Variants in PDHA1 observed in about 807,000 individuals in gnomAD.
The protein encoded by PDHA1 is pyruvate dehydrogenase E1 component subunit alpha, somatic form, mitochondrial.
Under a neutral mutation model 33.0 loss-of-function variants are expected in PDHA1, and 1 was observed. That is an observed-to-expected ratio of 0.03 (90% CI 0.01 to 0.14). PDHA1 has a LOEUF of 0.14. PDHA1 is among the 10% of genes least tolerant of loss of function. PDHA1 has a pLI of 1.00. For synonymous variants in PDHA1, 123 were observed against 119.2 expected (o/e 1.03, Z -0.21); for missense variants, 168 against 325.1 (o/e 0.52, Z 3.72).
At position 19,351,395 on chromosome X, in the gene PDHA1, G is replaced by A. The variant is rs138727886; in HGVS notation, c.406G>A (p.Ala136Thr). Reference sequence around the variant, plus strand: ...GGGCCTTTCCGTCCGAGAAATTCTCGCAGAGCTTACAGGTTTGCTGTTGAT... The same window carrying A: ...GGGCCTTTCCGTCCGAGAAATTCTCACAGAGCTTACAGGTTTGCTGTTGAT... ...TRGLSVREIL[A>T]ELTGRKGGCA... Residue 136 changes from alanine (A) to threonine (T), a missense_variant, in exon 4 of 11, where the codon GCA (alanine) becomes ACA (threonine). By Grantham distance (58) the Ala-to-Thr change is moderately conservative (BLOSUM62 0). Coordinates refer to ENST00000422285, the MANE Select transcript of PDHA1 (RefSeq NM_000284.4). The A allele has an allele frequency of 1.8e-4, 222 of 1,207,518 alleles. No individual in the cohort carries two copies. Among genetic ancestry groups the A allele is most frequent in the Non-Finnish European group, 2.4e-4 (216 of 893,092 alleles).
At position 19,359,794 on chromosome X, in the gene PDHA1, T is replaced by A; in HGVS notation, c.*141T>A. ...TTAAGTGTGTAGATTGAGCAGGTAGTAATTGCATGCAGTTTGTACATTAGT... is the reference window on the plus strand; with the variant it reads ...TTAAGTGTGTAGATTGAGCAGGTAGAAATTGCATGCAGTTTGTACATTAGT... On this transcript the variant is annotated 3_prime_UTR_variant, in exon 11 of 11. Transcript: ENST00000422285. The A allele has an allele frequency of 3.7e-6, 2 of 543,096 alleles. No individual in the cohort carries two copies. The highest frequency in any genetic ancestry group is 3.2e-6 in the Non-Finnish European group (1 of 316,342). 44.8% of individuals were successfully genotyped at this position (543,096 alleles called of 1,213,427 possible).
intron 8 of PDHA1, among the ~76,000 whole-genome samples, chrX:19,356,006 C>T (rs1419723604): frequency 1.8e-5 from 2 of 112,093 alleles, no homozygotes; most frequent in Non-Finnish European, 3.8e-5. Context: ...GTCTTCATGA[C>T]AACTGATTTG....
chrX:19,351,599 C>G, intron 4 of PDHA1, 192 bp downstream of exon 4: 1 of 419,313 alleles, frequency 2.4e-6, no homozygotes, highest in African/African-American at 2.5e-5. Context: ...TCTGGCCCCT[C>G]AGGTAAAAGT....
rs1326132392 is a variant in PDHA1, at chrX:19,352,462, T to C, written c.419-620T>C. On this transcript the variant is annotated intron_variant, in intron 4 of 10. Transcript: ENST00000422285. ...TGTTGGCCAGGCTGGTCTTGAACTC[T>C]TGACCTCAGGTGATCCACCCTCTTC... Among the ~76,000 whole-genome samples, 3 of 108,193 alleles carry C rather than the reference T, an allele frequency of 2.8e-5. No individual in the cohort carries two copies. The Admixed American group carries it at 2.9e-4, about 11-fold the overall frequency. 94.0% of individuals were successfully genotyped at this position (108,193 alleles called of 115,157 possible).
intron 3 of PDHA1, among the ~76,000 whole-genome samples, chrX:19,350,479 T>G (rs146599261): frequency 2.6e-4 from 29 of 112,129 alleles, no homozygotes; most frequent in African/African-American, 7.8e-4. Context: ...TTGCCCAGGC[T>G]AGTCTCAAAC....
chrX:19,344,187 G>A (rs2063115460), intron 1 of PDHA1, 93 bp downstream of exon 1: 3 of 774,399 alleles, frequency 3.9e-6, no homozygotes, highest in Admixed American at 5.8e-5. Flanking sequence ...CCCAGAGCGG[G>A]GTGGAAGGCG....
In PDHA1 at chrX:19,361,273, G is replaced by A; in HGVS notation, c.*1620G>A. 5 of 922,604 alleles carry A rather than the reference G, an allele frequency of 5.4e-6. No homozygotes were observed. The highest frequency in any genetic ancestry group is 7.6e-6 in the Non-Finnish European group (5 of 655,935). 76.0% of individuals were successfully genotyped at this position (922,604 alleles called of 1,213,427 possible). ...GGGGAGGCCCAGCCCTTTGTTTTCT[G>A]CTCTTGAAGCATATTCACACATAAA... On this transcript the variant is annotated 3_prime_UTR_variant, in exon 11 of 11. Coordinates refer to ENST00000422285, the MANE Select transcript of PDHA1 (RefSeq NM_000284.4).
At chrX:19,352,893 G>T in intron 4 of PDHA1, 189 bp from the exon 5 acceptor site, 1 of 491,815 alleles carries the variant, frequency 2.0e-6, no homozygotes, top group Non-Finnish European at 3.7e-6. Flanking sequence ...AGCTGGAAAG[G>T]TTGAAGCACA....
At chrX:19,344,738 T>C (rs995955235) in intron 1 of PDHA1, among the ~76,000 whole-genome samples, 15 of 112,965 alleles carry the variant, frequency 1.3e-4, no homozygotes, top group African/African-American at 4.8e-4. Flanking sequence ...GAGTGACACG[T>C]GTGGAAACGA....
chrX:19,355,713 C>A lies in PDHA1; in HGVS notation c.787C>A (p.Arg263=). The A allele has an allele frequency of 1.7e-6, 2 of 1,208,657 alleles. No individual in the cohort carries two copies. Among genetic ancestry groups the A allele is most frequent in the South Asian group, 3.5e-5 (2 of 56,929 alleles). The change falls in exon 8 of 11, where the codon CGA becomes AGA. Residue 263 remains arginine, a synonymous_variant. Coordinates refer to ENST00000422285, the MANE Select transcript of PDHA1 (RefSeq NM_000284.4). The part of the protein sequence containing the change: ...RVDGMDILCV[R]EATRFAAAYC... ...GGATGGAATGGATATCCTGTGCGTCCGAGAGGCAACAAGGTTTGCTGCTGC... is the reference window on the plus strand; with the variant it reads ...GGATGGAATGGATATCCTGTGCGTCAGAGAGGCAACAAGGTTTGCTGCTGC...
At position 19,349,927 on chromosome X, in the gene PDHA1, T is replaced by C. The variant is rs1322626106; in HGVS notation, c.118-10T>C. 1.7e-6 allele frequency: 2 copies of C among 1,198,660 alleles called. No individual in the cohort carries two copies. The highest frequency in any genetic ancestry group is 2.3e-6 in the Non-Finnish European group (2 of 884,338). On this transcript the variant is annotated splice_polypyrimidine_tract_variant and intron_variant, in intron 2 of 10. Coordinates refer to ENST00000422285, the MANE Select transcript of PDHA1 (RefSeq NM_000284.4). Reference sequence around the variant, plus strand: ...ATGTGGAGGATAATAACTACCTTATTCCATTTCAGAAATGTGACCTTCACC... The same window carrying C: ...ATGTGGAGGATAATAACTACCTTATCCCATTTCAGAAATGTGACCTTCACC...
intron 1 of PDHA1, among the ~76,000 whole-genome samples, chrX:19,348,691 C>G (rs2063147529): frequency 1.8e-5 from 2 of 112,382 alleles, no homozygotes; most frequent in African/African-American, 6.5e-5. Context: ...TGCCTGCAAT[C>G]CCAGTACTTT....
chrX:19,357,594 G>T, intron 8 of PDHA1, 58 bp from the exon 9 acceptor site: 1 of 983,690 alleles, frequency 1.0e-6, no homozygotes, highest in Non-Finnish European at 1.5e-6. Flanking sequence ...GTGGATTGCC[G>T]GCCTGTTCTT....
At chrX:19,344,583 C>T (rs1262900312) in intron 1 of PDHA1, among the ~76,000 whole-genome samples, 2 of 113,251 alleles carry the variant, frequency 1.8e-5, no homozygotes, top group African/African-American at 3.2e-5. Context: ...TTAAACGTCC[C>T]GGGGACCCGG....
Position 19,359,766 on chromosome X carries a change from C to G in PDHA1, c.*113C>G, listed in dbSNP as rs182754597. ...AATTCAATGAAATTCTTGGAAACTTCCATTAAGTGTGTAGATTGAGCAGGT... is the reference window on the plus strand; with the variant it reads ...AATTCAATGAAATTCTTGGAAACTTGCATTAAGTGTGTAGATTGAGCAGGT... On this transcript the variant is annotated 3_prime_UTR_variant, in exon 11 of 11. Coordinates refer to ENST00000422285, the MANE Select transcript of PDHA1 (RefSeq NM_000284.4). 52 of 688,786 alleles carry G rather than the reference C, an allele frequency of 7.5e-5. 1 individual carries two copies. The Admixed American group carries it at 1.3e-3, about 17-fold the overall frequency. 56.8% of individuals were successfully genotyped at this position (688,786 alleles called of 1,213,427 possible). A position where few individuals can be genotyped will look rare whatever the true frequency, so the allele number is the denominator to read the frequency against.
chrX:19,355,527 C>CG (rs757568490), intron 7 of PDHA1, 23 bp downstream of exon 7: 6 of 1,190,648 alleles, frequency 5.0e-6, no homozygotes, highest in East Asian at 3.0e-5. Flanking sequence ...GTGGTGGGGC[C>CG]GGGGCCAAGG....
chrX:19,352,107 GT>G lies in PDHA1; in HGVS notation c.418+707del, dbSNP rs1188448357. 5.5e-5 allele frequency among the ~76,000 whole-genome samples: 6 copies of G among 109,211 alleles called. No individual in the cohort carries two copies. In the Admixed American group the frequency reaches 5.9e-4, roughly 11 times the overall value. 94.8% of individuals were successfully genotyped at this position (109,211 alleles called of 115,157 possible). A position where few individuals can be genotyped will look rare whatever the true frequency, so the allele number is the denominator to read the frequency against. On this transcript the variant is annotated intron_variant, in intron 4 of 10. Coordinates refer to ENST00000422285, the MANE Select transcript of PDHA1 (RefSeq NM_000284.4). ...TGAGCCACCGCACCTGGCCTGTTTTGTTTTTTTGAGACAGAGTCTCGCTTTG... is the reference window on the plus strand; with the variant it reads ...TGAGCCACCGCACCTGGCCTGTTTTGTTTTTTGAGACAGAGTCTCGCTTTG...
intron 1 of PDHA1, 41 bp from the exon 2 acceptor site, chrX:19,349,271 T>G (rs771344366): frequency 1.1e-6 from 1 of 937,280 alleles, no homozygotes; most frequent in African/African-American, 1.9e-5. Context: ...TAGCTGACAA[T>G]TAAAAAGTAC....
At chrX:19,359,373 A>G in intron 10 of PDHA1, 116 bp from the exon 11 acceptor site, 2 of 594,439 alleles carry the variant, frequency 3.4e-6, no homozygotes, top group South Asian at 4.8e-5. Context: ...TGAATTAGCA[A>G]CTGTTCGTAC....
Sources: allele counts gnomAD v4.1 joint callset (sites outside exome capture counted in the v4.1 genomes callset), GRCh38; gene constraint gnomAD v4.1.1; transcripts MANE v1.5; gene names NCBI Gene and HGNC (gene_info 2026-07-23, HGNC 2026-07-21).